PDE4C: variants seen among roughly 807,000 people sequenced by gnomAD.
PDE4C encodes 3',5'-cyclic-AMP phosphodiesterase 4C.
PDE4C carries 50 observed loss-of-function variants against 63.9 expected under a neutral mutation model. That is an observed-to-expected ratio of 0.78 (90% confidence interval 0.62 to 0.99). The LOEUF (loss-of-function observed/expected upper bound fraction) is 0.99, where lower values mean the gene tolerates loss of function less well. Ranked by LOEUF, PDE4C falls within the 50% of genes least tolerant of loss-of-function variation. The pLI is 0.00. For synonymous variants in PDE4C, 377 were observed against 385.1 expected, an observed-to-expected ratio of 0.98 and a Z score of 0.25; for missense variants, 777 against 899.1, an observed-to-expected ratio of 0.86 and a Z score of 1.74.
In PDE4C at chr19:18,221,070, GGCCCCGCCCCCGCCCC is replaced by G. The variant is rs778405125; in HGVS notation, c.449+19_449+34del. 9.9e-5 allele frequency: 75 copies of G among 760,390 alleles called. No homozygotes were observed. The South Asian group carries it at 1.2e-3, about 12-fold the overall frequency. The allele number at this position is 760,390 out of a possible 1,614,324, so 47.1% of individuals were successfully genotyped here. A position where few individuals can be genotyped will look rare whatever the true frequency, so the allele number is the denominator to read the frequency against. On this transcript the variant is annotated intron_variant, in intron 4 of 14. Coordinates refer to ENST00000262805, the Ensembl canonical transcript of PDE4C. The stretch of plus-strand genomic sequence containing the variant: ...GCTTTCCGCCCACCTTGTCTCTGCC[GGCCCCGCCCCCGCCCC>G]GCCCCGCCCTCTACCTACTTGGCTG...
At chr19:18,242,049 A>T (rs1334368500) in intron 1 of PDE4C, among the ~76,000 whole-genome samples, 1 of 152,304 alleles carries the variant, frequency 6.6e-6, no homozygotes, top group African/African-American at 2.4e-5. Flanking sequence ...TTTTCTGAGG[A>T]GGTGGCTTTG....
downstream of PDE4C, chr19:18,208,745 A>C (rs936116156): frequency 6.6e-6 from 1 of 152,136 alleles, no homozygotes; most frequent in South Asian, 2.1e-4. Flanking sequence ...ACAACCCCCC[A>C]CACCTCGTCG....
chr19:18,236,442 C>A (rs1259370571), upstream of PDE4C, among the ~76,000 whole-genome samples: 3 of 152,102 alleles, frequency 2.0e-5, no homozygotes, highest in Non-Finnish European at 4.4e-5. Flanking sequence ...AGGCTGGTCT[C>A]GAACTCCCGA....
chr19:18,248,480 T>G (rs1969173693), upstream of PDE4C, among the ~76,000 whole-genome samples: 1 of 149,838 alleles, frequency 6.7e-6, no homozygotes, highest in African/African-American at 2.5e-5. Context: ...AAGGGAGGCG[T>G]AGGAGTGAGG....
rs1600056610 is a variant in PDE4C, at chr19:18,212,472, G to GC, written c.1513-532dup. 3.9e-5 allele frequency among the ~76,000 whole-genome samples: 4 copies of GC among 102,278 alleles called. No homozygotes were observed. In the South Asian group the frequency reaches 1.2e-3, roughly 32 times the overall value. 67.1% of individuals were successfully genotyped at this position (102,278 alleles called of 152,430 possible). On this transcript the variant is annotated intron_variant, in intron 13 of 14. Transcript: ENST00000262805. The stretch of plus-strand genomic sequence containing the variant: ...TTACAGGTGTGAGCCACTGAGCCCA[G>GC]CTTTTTTTTTTTTTTTTTAAGAGAC...
chr19:18,217,021 C>A (rs1258438603), intron 11 of PDE4C, 126 bp from the exon 12 acceptor site: 6 of 1,066,474 alleles, frequency 5.6e-6, no homozygotes, highest in Non-Finnish European at 8.0e-6. Context: ...AGCATGCCCT[C>A]CTGTAAGAAA....
chr19:18,229,653 G>C (rs1968810186), upstream of PDE4C, among the ~76,000 whole-genome samples: 1 of 151,974 alleles, frequency 6.6e-6, no homozygotes, highest in African/African-American at 2.4e-5. Flanking sequence ...TTTTTAAATG[G>C]GTGTTTTTGA....
At chr19:18,211,828 G>A (rs765811198) in exon 14 of PDE4C, 31 of 1,614,116 alleles carry the variant, frequency 1.9e-5, no homozygotes, top group East Asian at 8.9e-5. Context: ...ACTCACGCTC[G>A]CGGTCTCCCT....
chr19:18,228,909 A>T (rs1368099064), upstream of PDE4C, among the ~76,000 whole-genome samples: 1 of 151,858 alleles, frequency 6.6e-6, no homozygotes, highest in Non-Finnish European at 1.5e-5. Context: ...TGGTGCCTTT[A>T]TTTATTTTAT....
exon 2 of PDE4C, chr19:18,222,208 A>T: frequency 3.7e-6 from 6 of 1,614,174 alleles, no homozygotes; most frequent in Non-Finnish European, 5.1e-6. Flanking sequence ...CGGTACAGGA[A>T]GGACTCGCGC....
intron 1 of PDE4C, among the ~76,000 whole-genome samples, chr19:18,244,517 G>T (rs929421911): frequency 3.3e-5 from 5 of 150,302 alleles, no homozygotes; most frequent in Admixed American, 6.6e-5. Flanking sequence ...TGTTTGTTTT[G>T]GTTTGTTTTT....
Position 18,248,040 on chromosome 19 carries a change from G to A in PDE4C, c.-210+131C>T, listed in dbSNP as rs531332614. ...AGGTCTCCTGGCCCCAGACACATGG[G>A]AGACCCATTCAGCTCCCAGAGTGGC... On this transcript the variant is annotated intron_variant, in intron 1 of 15. Transcript: ENST00000594617. 135 of 377,762 alleles carry A rather than the reference G, an allele frequency of 3.6e-4. 3 individuals are homozygous for A. Among genetic ancestry groups the A allele is most frequent in the South Asian group, 2.5e-3 (130 of 52,498 alleles). The allele number at this position is 377,762 out of a possible 1,614,324, so 23.4% of individuals were successfully genotyped here.
rs1250296264 is a variant in PDE4C, at chr19:18,220,326, C to A, written c.613-7G>T. ...GGTTCAGGATCCGCTTGAACTGGGG[C>A]GGAGAGAAGGTGAAGACCGTGATGA... On this transcript the variant is annotated splice_polypyrimidine_tract_variant and splice_region_variant and intron_variant, in intron 6 of 14. Transcript: ENST00000262805. The surrounding 1 kb of genome is among the most constrained non-coding windows in gnomAD (Gnocchi z 5.1). The A allele has an allele frequency of 6.2e-7, 1 of 1,613,906 alleles. No homozygotes were observed. Among genetic ancestry groups the A allele is most frequent in the Non-Finnish European group, 8.5e-7 (1 of 1,179,944 alleles).
chr19:18,217,059 C>T (rs1475465968), intron 11 of PDE4C, 164 bp from the exon 12 acceptor site: 8 of 704,020 alleles, frequency 1.1e-5, no homozygotes, highest in Non-Finnish European at 1.8e-5. Flanking sequence ...GCTTCCCTGA[C>T]TGCAGGGCTA....
intron 1 of PDE4C, chr19:18,224,324 G>A: frequency 1.0e-6 from 1 of 985,494 alleles, no homozygotes; most frequent in South Asian, 4.7e-5. Flanking sequence ...CCCGGCCGAG[G>A]GCCAGTGTCC....
chr19:18,240,905 C>T (rs1969024755), intron 1 of PDE4C, among the ~76,000 whole-genome samples: 1 of 151,988 alleles, frequency 6.6e-6, no homozygotes, highest in African/African-American at 2.4e-5. Context: ...GGCCCTCTGA[C>T]TCGTGTTGTG....
chr19:18,233,025 C>T, exon 1 of PDE4C: 1 of 1,542,042 alleles, frequency 6.5e-7, no homozygotes, highest in Non-Finnish European at 8.8e-7. Context: ...CCTCTCGCGG[C>T]AGCCCGCGGA....
At chr19:18,221,773 C>T (rs894949454) in intron 2 of PDE4C, among the ~76,000 whole-genome samples, 8 of 152,130 alleles carry the variant, frequency 5.3e-5, no homozygotes, top group African/African-American at 1.4e-4. Context: ...TACAGGCGCG[C>T]GCCACCACAC....
upstream of PDE4C, chr19:18,252,451 T>A: frequency 2.5e-6 from 1 of 399,166 alleles, no homozygotes. Context: ...GTCTCCATAC[T>A]GTTCTCTGAG....
Sources: gnomAD v4.1 joint callset for allele counts (sites outside exome capture counted in the v4.1 genomes callset) on GRCh38, gnomAD v4.1.1 for gene constraint, Gnocchi (gnomAD v3.1) non-coding constraint, MANE v1.5 for transcripts, NCBI Gene and HGNC (gene_info 2026-07-23, HGNC 2026-07-21) for gene names.